The following CPNE8 variants were observed in gnomAD, a reference collection of about 807,000 sequenced individuals.
The protein encoded by CPNE8 is copine-8.
CPNE8 carries 45 observed loss-of-function variants against 81.5 expected under a neutral mutation model. The ratio of observed to expected loss-of-function variants is 0.55; its 90% CI spans 0.44 to 0.71. The LOEUF is 0.71. CPNE8 is among the 30% of genes least tolerant of loss of function. CPNE8 has a pLI of 0.00. For missense variants in CPNE8, 594 were observed against 672.1 expected (o/e 0.88, Z 1.28); for synonymous variants, 252 against 226.3 (o/e 1.11, Z -1.02).
intron 3 of CPNE8, among the ~76,000 whole-genome samples, chr12:38,867,735 T>C (rs1943937274): frequency 6.6e-6 from 1 of 152,240 alleles, no homozygotes; most frequent in Non-Finnish European, 1.5e-5. Context: ...GTTACTTTGT[T>C]ATTTCCATTT....
At chr12:38,729,442 G>A (rs10506126) in intron 11 of CPNE8, among the ~76,000 whole-genome samples, 57,861 of 151,630 alleles carry the variant, frequency 0.38, 11,619 homozygotes, top group Middle Eastern at 0.47. Context: ...CTCCCATTAG[G>A]TACTGAAATT....
rs577074938 is a variant in CPNE8, at chr12:38,726,357, C to G, written c.799-1458G>C. ...CTAAAGGAGAAATTGGTCATCCATT[C>G]ATTCATTCCACGTATTATTTATTGT... On this transcript the variant is annotated intron_variant, in intron 11 of 19. Transcript: ENST00000331366. 4 of 151,684 alleles carry G rather than the reference C, an allele frequency of 2.6e-5. No homozygotes were observed. The East Asian group carries it at 7.7e-4, about 29-fold the overall frequency. The allele number at this position is 151,684 out of a possible 1,614,324, so 9.4% of individuals were successfully genotyped here.
intron 6 of CPNE8, among the ~76,000 whole-genome samples, chr12:38,791,729 C>T (rs1165607391): frequency 6.6e-6 from 1 of 151,508 alleles, no homozygotes; most frequent in African/African-American, 2.4e-5. Flanking sequence ...ACACTATAGA[C>T]CAACTGGACT....
intron 6 of CPNE8, among the ~76,000 whole-genome samples, chr12:38,793,194 A>G (rs1353113489): frequency 7.0e-6 from 1 of 142,586 alleles, no homozygotes; most frequent in Non-Finnish European, 1.5e-5. Flanking sequence ...TCCCACTTCT[A>G]TTCAACATAA....
intron 7 of CPNE8, among the ~76,000 whole-genome samples, chr12:38,773,581 TA>T (rs1204855286): frequency 6.6e-6 from 1 of 152,114 alleles, no homozygotes; most frequent in Non-Finnish European, 1.5e-5. Flanking sequence ...AAGGTAAGAC[TA>T]AAATGTAGGT....
intron 1 of CPNE8, among the ~76,000 whole-genome samples, chr12:38,876,937 G>A (rs4768017): frequency 0.98 from 149,795 of 152,330 alleles, 73,656 homozygotes; most frequent in East Asian, 1. Flanking sequence ...CCTATTAGAA[G>A]CAAAGCCCAT....
At chr12:38,740,052 A>AT (rs1468784970) in intron 10 of CPNE8, among the ~76,000 whole-genome samples, 2 of 152,142 alleles carry the variant, frequency 1.3e-5, no homozygotes, top group Non-Finnish European at 2.9e-5. Flanking sequence ...ATATAAGGAT[A>AT]TTTTTCTATA....
intron 5 of CPNE8, among the ~76,000 whole-genome samples, chr12:38,834,228 C>T (rs536032781): frequency 6.6e-6 from 1 of 152,226 alleles, no homozygotes; most frequent in South Asian, 2.1e-4. Flanking sequence ...CTCTGAGTTC[C>T]AACTTGATTG....
intron 19 of CPNE8, among the ~76,000 whole-genome samples, chr12:38,654,589 A>G (rs142267255): frequency 2.9e-4 from 44 of 151,148 alleles, no homozygotes; most frequent in African/African-American, 9.4e-4. Context: ...TATATGCTTT[A>G]TCTCAAAAGG....
chr12:38,902,256 A>AG (rs1280495107), intron 1 of CPNE8, among the ~76,000 whole-genome samples: 930 of 26,948 alleles, frequency 0.035, 67 homozygotes, highest in African/African-American at 0.18. Context: ...AAAGAAAGAA[A>AG]AAAGAAAGAA....
chr12:38,662,845 A>G lies in CPNE8; in HGVS notation c.1506+7884T>C, dbSNP rs372600328. Among the ~76,000 whole-genome samples the G allele has an allele frequency of 8.9e-4, 135 of 152,316 alleles. 1 individual carries two copies. The highest frequency in any genetic ancestry group is 2.6e-3 in the African/African-American group (110 of 41,584). ...CCCAGAAATAAATTCACATATTTAC[A>G]GCCAACTGATTTTTGACAAATGCAT... On this transcript the variant is annotated intron_variant, in intron 19 of 19. Coordinates refer to ENST00000331366, the MANE Select transcript of CPNE8 (RefSeq NM_153634.3).
chr12:38,807,047 A>T (rs1017426607), intron 6 of CPNE8, among the ~76,000 whole-genome samples: 5 of 152,152 alleles, frequency 3.3e-5, no homozygotes, highest in African/African-American at 1.2e-4. Flanking sequence ...CTTACAAGGG[A>T]TGTGAAGGAC....
At chr12:38,779,246 T>A (rs1376039979) in intron 6 of CPNE8, among the ~76,000 whole-genome samples, 1 of 152,014 alleles carries the variant, frequency 6.6e-6, no homozygotes, top group East Asian at 1.9e-4. Flanking sequence ...TAAAGTGAAG[T>A]CAGAAAGATA....
intron 1 of CPNE8, among the ~76,000 whole-genome samples, chr12:38,886,737 T>A (rs532197370): frequency 6.6e-6 from 1 of 152,132 alleles, no homozygotes; most frequent in Admixed American, 6.5e-5. Flanking sequence ...ATGAATCCTC[T>A]TGATATCTTT....
intron 3 of CPNE8, among the ~76,000 whole-genome samples, chr12:38,867,405 T>A (rs1051888307): frequency 1.3e-5 from 2 of 151,400 alleles, no homozygotes; most frequent in Admixed American, 6.6e-5. Context: ...ACAAGTATTA[T>A]TCAGTATGGA....
chr12:38,750,078 C>T (rs1941319520), intron 10 of CPNE8, among the ~76,000 whole-genome samples: 1 of 152,074 alleles, frequency 6.6e-6, no homozygotes, highest in Non-Finnish European at 1.5e-5. Context: ...CTCTGCATCC[C>T]AGCCACTTCA....
At chr12:38,764,446 T>A (rs1453277625) in intron 8 of CPNE8, among the ~76,000 whole-genome samples, 1 of 149,350 alleles carries the variant, frequency 6.7e-6, no homozygotes, top group Non-Finnish European at 1.5e-5. Flanking sequence ...TGAAACCCCG[T>A]CTCTACTAAA....
intron 6 of CPNE8, among the ~76,000 whole-genome samples, chr12:38,802,611 G>C (rs1345429331): frequency 6.7e-6 from 1 of 148,722 alleles, no homozygotes; most frequent in Non-Finnish European, 1.5e-5. Flanking sequence ...ATAAAAGCAA[G>C]AGCAAACACA....
intron 4 of CPNE8, 143 bp downstream of exon 4, chr12:38,848,416 C>T: frequency 7.5e-7 from 1 of 1,326,096 alleles, no homozygotes; most frequent in Non-Finnish European, 9.8e-7. Flanking sequence ...AGGGGGCTTG[C>T]TTGGGCCACA....
Sources: allele counts gnomAD v4.1 joint callset (sites outside exome capture counted in the v4.1 genomes callset), GRCh38; gene constraint gnomAD v4.1.1; transcripts MANE v1.5; gene names NCBI Gene and HGNC (gene_info 2026-07-23, HGNC 2026-07-21).